Variants in DOCK1 observed in about 807,000 individuals in gnomAD.
DOCK1 encodes the protein dedicator of cytokinesis 1.
In DOCK1, 138 loss-of-function variants were observed where a neutral mutation model predicts 262.7. The ratio of observed to expected loss-of-function variants is 0.53; its 90% CI spans 0.46 to 0.61. DOCK1 has a LOEUF of 0.61. DOCK1 is among the 20% of genes least tolerant of loss of function. DOCK1 has a pLI of 0.00. For synonymous variants in DOCK1, 866 were observed against 867.4 expected (o/e 1.00, Z 0.03); for missense variants, 1,908 against 2,370.7 (o/e 0.80, Z 4.05).
chr10:127,313,681 G>T (rs74158658), intron 29 of DOCK1, among the ~76,000 whole-genome samples: 1 of 151,984 alleles, frequency 6.6e-6, no homozygotes, highest in East Asian at 1.9e-4. Flanking sequence ...CTCTCGACCC[G>T]CAGCAGACAC....
At position 126,951,771 on chromosome 10, in the gene DOCK1, C is replaced by T. The variant is rs917292220; in HGVS notation, c.47-18931C>T. On this transcript the variant is annotated intron_variant, in intron 1 of 51. Transcript: ENST00000623213. ...CCTAGAACTAAATCAAATGGAAACA[C>T]GCTGTGACAGGAAATAATCTCTTCA... is the stretch of plus-strand genomic sequence containing the variant. 5.9e-5 allele frequency among the ~76,000 whole-genome samples: 9 copies of T among 151,792 alleles called. No individual in the cohort carries two copies. In the South Asian group the frequency reaches 8.3e-4, roughly 14 times the overall value.
intron 1 of DOCK1, among the ~76,000 whole-genome samples, chr10:126,930,677 C>G (rs1016441258): frequency 2.0e-5 from 3 of 152,218 alleles, no homozygotes; most frequent in African/African-American, 7.2e-5. Context: ...GGTCACTGGC[C>G]TCGTGCACAG....
chr10:127,031,398 C>A (rs1037176301), intron 16 of DOCK1, among the ~76,000 whole-genome samples: 3 of 152,178 alleles, frequency 2.0e-5, no homozygotes, highest in African/African-American at 7.2e-5. Flanking sequence ...GGAAAAATCT[C>A]TTCTATGAGA....
intron 27 of DOCK1, among the ~76,000 whole-genome samples, chr10:127,242,538 C>A (rs932214219): frequency 1.3e-5 from 2 of 152,260 alleles, no homozygotes; most frequent in Admixed American, 1.3e-4. Context: ...CAGTTACATT[C>A]CCTTTTCCTA....
chr10:127,043,333 C>T (rs893438536), intron 21 of DOCK1, among the ~76,000 whole-genome samples, 169 bp downstream of exon 21: 2 of 152,124 alleles, frequency 1.3e-5, no homozygotes, highest in African/African-American at 4.8e-5. Flanking sequence ...ACCTAAAAAC[C>T]TTGTTGAAAG....
intron 38 of DOCK1, chr10:127,402,842 A>G: frequency 1.5e-6 from 1 of 661,854 alleles, no homozygotes; most frequent in Non-Finnish European, 2.8e-6. Context: ...TTGACATGCC[A>G]GTGATTGACC....
chr10:127,270,658 G>T (rs1227788722), intron 29 of DOCK1, among the ~76,000 whole-genome samples: 1 of 152,004 alleles, frequency 6.6e-6, no homozygotes, highest in African/African-American at 2.4e-5. Flanking sequence ...CAGGGGAGCT[G>T]TGTGTCTTCA....
rs138082877 is a variant in DOCK1, at chr10:127,136,904, G to A, written c.2847+9140G>A. The A allele has an allele frequency of 1.1e-3, 165 of 152,664 alleles. 2 individuals carry two copies. The highest frequency in any genetic ancestry group is 0.01 in the Middle Eastern group (3 of 294). 9.5% of individuals were successfully genotyped at this position (152,664 alleles called of 1,614,324 possible). ...CACTTACCATGGCTAACAGTGTCTC[G>A]GAGGATCGATCCACAAAAACACTGT... is the stretch of plus-strand genomic sequence containing the variant. On this transcript the variant is annotated intron_variant, in intron 27 of 51. Coordinates refer to ENST00000623213, the MANE Select transcript of DOCK1 (RefSeq NM_001290223.2).
chr10:127,008,667 T>C, intron 10 of DOCK1, 65 bp from the exon 11 acceptor site: 2 of 1,344,338 alleles, frequency 1.5e-6, no homozygotes, highest in East Asian at 2.5e-5. Context: ...TGTTCCTTTG[T>C]TTGTTTGTGT....
intron 22 of DOCK1, 91 bp downstream of exon 22, chr10:127,052,906 C>A: frequency 6.6e-7 from 1 of 1,507,508 alleles, no homozygotes; most frequent in South Asian, 1.3e-5. Flanking sequence ...TCCCCTTATT[C>A]TTTCCTTTCT....
intron 38 of DOCK1, among the ~76,000 whole-genome samples, chr10:127,399,344 C>T (rs2134282951): frequency 6.6e-6 from 1 of 152,252 alleles, no homozygotes; most frequent in South Asian, 2.1e-4. Context: ...CATATTGAAT[C>T]TGCCTTCTCT....
At chr10:127,300,665 C>T (rs998748613) in intron 29 of DOCK1, among the ~76,000 whole-genome samples, 1 of 152,218 alleles carries the variant, frequency 6.6e-6, no homozygotes, top group African/African-American at 2.4e-5. Flanking sequence ...GATCCATCTT[C>T]GAATACTTTC....
At position 127,031,568 on chromosome 10, in the gene DOCK1, G is replaced by A. The variant is rs907639166; in HGVS notation, c.1625-82G>A. Reference sequence around the variant, plus strand: ...TAATTTTGTAATTGTTTTCATAAAGGTAGCCTTTGTAGCTTCTTATAATGT... The same window carrying A: ...TAATTTTGTAATTGTTTTCATAAAGATAGCCTTTGTAGCTTCTTATAATGT... On this transcript the variant is annotated intron_variant, in intron 16 of 51. Coordinates refer to ENST00000623213, the MANE Select transcript of DOCK1 (RefSeq NM_001290223.2). 3 of 1,052,570 alleles carry A rather than the reference G, an allele frequency of 2.9e-6. No individual in the cohort carries two copies. In the African/African-American group the frequency reaches 4.8e-5, roughly 17 times the overall value. 65.2% of individuals were successfully genotyped at this position (1,052,570 alleles called of 1,614,324 possible).
At chr10:127,108,359 G>A (rs1032020749) in intron 24 of DOCK1, among the ~76,000 whole-genome samples, 3 of 152,002 alleles carry the variant, frequency 2.0e-5, no homozygotes, top group African/African-American at 7.3e-5. Context: ...AGGCCGAGGG[G>A]GACAGATCAT....
At chr10:127,017,144 G>T (rs1422683238) in intron 12 of DOCK1, among the ~76,000 whole-genome samples, 4 of 120,102 alleles carry the variant, frequency 3.3e-5, no homozygotes, top group Non-Finnish European at 7.0e-5. Flanking sequence ...TACACACACA[G>T]ATACAGACAC....
intron 27 of DOCK1, among the ~76,000 whole-genome samples, chr10:127,183,131 G>C (rs1312243714): frequency 9.0e-6 from 1 of 111,380 alleles, no homozygotes; most frequent in Admixed American, 1.1e-4. Flanking sequence ...TGATTTATCT[G>C]AAACTAAAAC....
At chr10:127,022,805 A>G (rs2042535267) in intron 13 of DOCK1, among the ~76,000 whole-genome samples, 2 of 152,192 alleles carry the variant, frequency 1.3e-5, no homozygotes, top group African/African-American at 2.4e-5. Context: ...GGATACTGCG[A>G]TAGTCCTTGG....
intron 23 of DOCK1, among the ~76,000 whole-genome samples, chr10:127,104,926 A>G (rs539505326): frequency 6.6e-6 from 1 of 152,228 alleles, no homozygotes; most frequent in Admixed American, 6.5e-5. Flanking sequence ...GCTACCTTCT[A>G]ATAGGAGGTG....
At chr10:127,015,563 T>C (rs997777069) in intron 12 of DOCK1, among the ~76,000 whole-genome samples, 1 of 151,928 alleles carries the variant, frequency 6.6e-6, no homozygotes, top group Admixed American at 6.5e-5. Context: ...CGGGTCTTCC[T>C]ATTTCAAGGA....
Sources: gnomAD v4.1 joint callset for allele counts (sites outside exome capture counted in the v4.1 genomes callset) on GRCh38, gnomAD v4.1.1 for gene constraint, MANE v1.5 for transcripts, NCBI Gene and HGNC (gene_info 2026-07-23, HGNC 2026-07-21) for gene names.